Variants in ERBB4 observed in about 807,000 individuals in gnomAD.
ERBB4 encodes receptor tyrosine-protein kinase erbB-4.
In ERBB4, 42 loss-of-function variants were observed where a neutral mutation model predicts 158.0. That is an observed-to-expected ratio of 0.27 (90% CI 0.21 to 0.34). ERBB4 has a LOEUF of 0.34. Ranked by LOEUF, ERBB4 falls within the 10% of genes least tolerant of loss-of-function variation. ERBB4 has a pLI of 1.00. For synonymous variants in ERBB4, 583 were observed against 558.7 expected (o/e 1.04, Z -0.61); for missense variants, 1,333 against 1,624.1 (o/e 0.82, Z 3.08).
At chr2:212,364,115 T>G (rs1027143366) in intron 1 of ERBB4, among the ~76,000 whole-genome samples, 3 of 151,754 alleles carry the variant, frequency 2.0e-5, no homozygotes, top group Non-Finnish European at 4.4e-5. Context: ...GGGCTGCAAC[T>G]TTCCTTTCTT....
chr2:211,420,325 C>G, intron 25 of ERBB4, 116 bp downstream of exon 25: 1 of 762,228 alleles, frequency 1.3e-6, no homozygotes, highest in South Asian at 1.6e-5. Context: ...TATTTTTAAT[C>G]TAGGCATCAC....
At chr2:212,339,253 A>G (rs1409814362) in intron 1 of ERBB4, among the ~76,000 whole-genome samples, 1 of 152,178 alleles carries the variant, frequency 6.6e-6, no homozygotes, top group African/African-American at 2.4e-5. Flanking sequence ...TATAAGTGAG[A>G]ACATGCAGTG....
At chr2:212,143,755 T>C (rs2080564500) in intron 1 of ERBB4, among the ~76,000 whole-genome samples, 1 of 152,120 alleles carries the variant, frequency 6.6e-6, no homozygotes, top group African/African-American at 2.4e-5. Context: ...TGGTGGCTCA[T>C]GCCTGTAATC....
intron 1 of ERBB4, among the ~76,000 whole-genome samples, chr2:212,500,122 A>G (rs1036343775): frequency 2.6e-5 from 4 of 152,100 alleles, no homozygotes; most frequent in Admixed American, 2.0e-4. Context: ...AGCATTTCAA[A>G]CTTACTTTTT....
chr2:212,382,506 G>A (rs1005848591), intron 1 of ERBB4, among the ~76,000 whole-genome samples: 1 of 150,390 alleles, frequency 6.6e-6, no homozygotes, highest in East Asian at 1.9e-4. Context: ...AGTTCAGGTT[G>A]TTTGTAAATG....
rs527592686 is a variant in ERBB4 at position 212,296,381 on chromosome 2, T to G, written c.83-171478A>C. On this transcript the variant is annotated intron_variant, in intron 1 of 27. Transcript: ENST00000342788. ...TAGAGGGTGGTTTCCAATGAGAGAA[T>G]TTCATCTGCTTCTAATCTAAAAAAA... Among the ~76,000 whole-genome samples, 22 of 151,944 alleles carry G rather than the reference T, an allele frequency of 1.4e-4. No homozygotes were observed. The South Asian group carries it at 4.6e-3, about 32-fold the overall frequency.
intron 1 of ERBB4, among the ~76,000 whole-genome samples, chr2:212,353,046 G>T (rs897084893): frequency 2.0e-5 from 3 of 151,742 alleles, no homozygotes; most frequent in Non-Finnish European, 4.4e-5. Flanking sequence ...GAGTTGCCTG[G>T]AATACTGGAA....
intron 25 of ERBB4, among the ~76,000 whole-genome samples, chr2:211,393,523 T>C (rs1326400917): frequency 1.3e-5 from 2 of 152,220 alleles, no homozygotes; most frequent in Admixed American, 6.5e-5. Flanking sequence ...CTTTGCGTTA[T>C]GCCTCAACTA....
At chr2:211,720,798 T>G (rs1174982944) in intron 7 of ERBB4, among the ~76,000 whole-genome samples, 1 of 152,242 alleles carries the variant, frequency 6.6e-6, no homozygotes, top group Non-Finnish European at 1.5e-5. Flanking sequence ...CACTGTACTC[T>G]TCTCTTCTCT....
rs2082376495 is a variant in ERBB4 at position 212,194,882 on chromosome 2, G to T, written c.83-69979C>A. On this transcript the variant is annotated intron_variant, in intron 1 of 27. Coordinates refer to ENST00000342788, the MANE Select transcript of ERBB4 (RefSeq NM_005235.3). ...TAAAAGTTTTGGGGTTGTAGCCTCA[G>T]AAAGGCTCTAAATTCTTAATGTTGA... Among the ~76,000 whole-genome samples the T allele has an allele frequency of 3.3e-5, 5 of 151,870 alleles. No individual in the cohort carries two copies. In the Admixed American group the frequency reaches 3.3e-4, roughly 10 times the overall value.
At chr2:211,857,552 A>T (rs1426772987) in intron 3 of ERBB4, among the ~76,000 whole-genome samples, 1 of 152,174 alleles carries the variant, frequency 6.6e-6, no homozygotes, top group Non-Finnish European at 1.5e-5. Context: ...AATTTTAATC[A>T]AAACATAAAA....
At chr2:211,714,233 A>C (rs924128411) in intron 7 of ERBB4, among the ~76,000 whole-genome samples, 1 of 152,234 alleles carries the variant, frequency 6.6e-6, no homozygotes, top group Non-Finnish European at 1.5e-5. Context: ...CTTGGATTAA[A>C]TGTCTAGCAG....
intron 2 of ERBB4, among the ~76,000 whole-genome samples, chr2:212,035,934 T>C (rs1282886474): frequency 3.3e-5 from 5 of 152,160 alleles, no homozygotes; most frequent in Admixed American, 2.0e-4. Context: ...TGATTTCCTA[T>C]AGAGGAAAAG....
intron 1 of ERBB4, among the ~76,000 whole-genome samples, chr2:212,192,847 T>C (rs1685955190): frequency 6.7e-6 from 1 of 148,252 alleles, no homozygotes; most frequent in Non-Finnish European, 1.5e-5. Context: ...GACCGATCAA[T>C]AGTGTGATTT....
intron 25 of ERBB4, among the ~76,000 whole-genome samples, chr2:211,414,500 TAAAAAAAAA>T (rs71047174): frequency 2.0e-5 from 2 of 102,120 alleles, no homozygotes; most frequent in Non-Finnish European, 4.1e-5. Context: ...CAGTCTCAAT[TAAAAAAAAA>T]AAAAAAAAAA....
At chr2:211,600,436 A>C (rs537213786) in intron 19 of ERBB4, among the ~76,000 whole-genome samples, 1 of 152,310 alleles carries the variant, frequency 6.6e-6, no homozygotes, top group East Asian at 1.9e-4. Flanking sequence ...AAGTGCCTAC[A>C]AAGAGGGATG....
rs2073006799 is a variant in ERBB4 at position 211,695,993 on chromosome 2, T to C, written c.1489+5974A>G. On this transcript the variant is annotated intron_variant, in intron 12 of 27. Transcript: ENST00000342788. ...TTATCCTTCCTTCCTTCCTCCCTCC[T>C]TCCCTTCCCTTCCTTCCTTCTTTCC... 2.0e-5 allele frequency among the ~76,000 whole-genome samples: 3 copies of C among 150,184 alleles called. No homozygotes were observed. The South Asian group carries it at 6.8e-4, about 34-fold the overall frequency.
At chr2:212,127,402 T>C (rs1349314051) in intron 1 of ERBB4, among the ~76,000 whole-genome samples, 9 of 152,032 alleles carry the variant, frequency 5.9e-5, no homozygotes, top group East Asian at 5.8e-4. Flanking sequence ...ACCATCCTGG[T>C]CAACACAGTG....
At chr2:211,760,928 G>A (rs1386423691) in intron 4 of ERBB4, among the ~76,000 whole-genome samples, 4 of 151,950 alleles carry the variant, frequency 2.6e-5, no homozygotes, top group East Asian at 1.9e-4. Context: ...AAAATGGGTC[G>A]GGCGTGGTGT....
Sources: gnomAD v4.1 joint callset for allele counts (sites outside exome capture counted in the v4.1 genomes callset) on GRCh38, gnomAD v4.1.1 for gene constraint, MANE v1.5 for transcripts, NCBI Gene and HGNC (gene_info 2026-07-23, HGNC 2026-07-21) for gene names.